ZNF829: variants seen among roughly 807,000 people sequenced by gnomAD.
The protein encoded by ZNF829 is zinc finger protein 829.
In ZNF829, 25 loss-of-function variants were observed where a neutral mutation model predicts 35.2. The ratio of observed to expected loss-of-function variants is 0.71; its 90% CI spans 0.52 to 0.99. The LOEUF is 0.99. Among genes scored for constraint, ZNF829 ranks in the 50% least tolerant of loss-of-function variants. The pLI, the probability that ZNF829 is intolerant of heterozygous loss-of-function variation, is 0.00. For synonymous variants in ZNF829, 136 were observed against 163.2 expected, an observed-to-expected ratio of 0.83 and a Z score of 1.27; for missense variants, 417 against 515.3, an observed-to-expected ratio of 0.81 and a Z score of 1.85.
chr19:36,908,641 A>G (rs1458742366), intron 3 of ZNF829, among the ~76,000 whole-genome samples, 182 bp from the exon 4 acceptor site: 2 of 152,222 alleles, frequency 1.3e-5, no homozygotes, highest in African/African-American at 2.4e-5. Context: ...ATGAAATAGC[A>G]TGCATTCAGC....
chr19:36,908,168 T>A, intron 4 of ZNF829, 144 bp from the exon 5 acceptor site: 1 of 1,198,504 alleles, frequency 8.3e-7, no homozygotes. Flanking sequence ...CCACAGCCCA[T>A]TGGAGCTGCC....
Position 36,890,158 on chromosome 19 carries a change from A to AT in ZNF829, c.*1333dup, listed in dbSNP as rs558584937. 7 of 152,278 alleles carry AT rather than the reference A, an allele frequency of 4.6e-5. No homozygotes were observed. In the South Asian group the frequency reaches 1.4e-3, roughly 32 times the overall value. The allele number at this position is 152,278 out of a possible 1,614,324, so 9.4% of individuals were successfully genotyped here. Reference sequence around the variant, plus strand: ...ATATGATTTTGTTTTTTTAAAATTTATTGATACTTGCTTTGTGGTCCAGTA... The same window carrying AT: ...ATATGATTTTGTTTTTTTAAAATTTATTTGATACTTGCTTTGTGGTCCAGTA... On this transcript the variant is annotated 3_prime_UTR_variant, in exon 6 of 6. Transcript: ENST00000391711.
At chr19:36,902,496 A>G (rs1033873077) in intron 5 of ZNF829, among the ~76,000 whole-genome samples, 3 of 151,964 alleles carry the variant, frequency 2.0e-5, no homozygotes, top group Non-Finnish European at 4.4e-5. Flanking sequence ...TTAGCCGGTC[A>G]TGGTGCCGTG....
chr19:36,915,043 G>A (rs371846091), intron 2 of ZNF829, 21 bp from the exon 3 acceptor site: 11 of 1,614,016 alleles, frequency 6.8e-6, no homozygotes, highest in African/African-American at 5.3e-5. Flanking sequence ...GTAAAATTGG[G>A]AGAGGGAAGA....
intron 3 of ZNF829, among the ~76,000 whole-genome samples, chr19:36,911,985 T>C (rs1345414920): frequency 6.6e-6 from 1 of 152,142 alleles, no homozygotes; most frequent in Non-Finnish European, 1.5e-5. Flanking sequence ...CAAAGGAGTG[T>C]TGAACATCCA....
chr19:36,896,947 C>T (rs2073118893), intron 5 of ZNF829, among the ~76,000 whole-genome samples: 1 of 151,998 alleles, frequency 6.6e-6, no homozygotes, highest in African/African-American at 2.4e-5. Flanking sequence ...AATCAGATAA[C>T]CTAGAGGAAA....
chr19:36,901,351 C>A (rs1470827860), intron 5 of ZNF829, among the ~76,000 whole-genome samples: 2 of 152,038 alleles, frequency 1.3e-5, no homozygotes, highest in South Asian at 2.1e-4. Flanking sequence ...TTGCCTGGGG[C>A]TGGAGGGGGT....
At chr19:36,912,126 G>A (rs1189132407) in intron 3 of ZNF829, among the ~76,000 whole-genome samples, 1 of 151,682 alleles carries the variant, frequency 6.6e-6, no homozygotes, top group African/African-American at 2.4e-5. Flanking sequence ...AGAAGCTCAG[G>A]GCGAGGAAAT....
At chr19:36,907,172 T>C (rs780017443) in intron 5 of ZNF829, 1 of 147,210 alleles carries the variant, frequency 6.8e-6, no homozygotes, top group Non-Finnish European at 1.5e-5. Context: ...CCAATAAGAA[T>C]GAACTAACAC....
chr19:36,892,033 G>C lies in ZNF829; in HGVS notation c.758C>G (p.Ser253Ter), dbSNP rs370786414. The stretch of plus-strand genomic sequence containing the variant: ...AATTCTCTGATGATCATTAAGGTTT[G>C]AGCAATACTTAAAGGCTTTTCCACA... ...KECGKAFKYC[S>*]NLNDHQRIHT... Residue 253 changes from serine (S) to a stop codon, truncating the protein, a stop_gained, in exon 6 of 6, where the codon TCA becomes TGA. Coordinates refer to ENST00000391711, the MANE Select transcript of ZNF829 (RefSeq NM_001037232.4). LOFTEE classifies it high-confidence loss of function. 1.5e-5 allele frequency: 25 copies of C among 1,613,802 alleles called. No individual in the cohort carries two copies. The highest frequency in any genetic ancestry group is 1.7e-5 in the Admixed American group (1 of 59,984).
chr19:36,915,244 G>C lies in ZNF829; in HGVS notation c.-77C>G, dbSNP rs183711472. ...GGTTGGAATCTGACCAGACCTCAGA[G>C]AGGTTTCCTAGAGACAGAGTTCTGG... is the stretch of plus-strand genomic sequence containing the variant. On this transcript the variant is annotated 5_prime_UTR_variant, in exon 2 of 6. Coordinates refer to ENST00000391711, the MANE Select transcript of ZNF829 (RefSeq NM_001037232.4). The C allele has an allele frequency of 3.1e-6, 5 of 1,612,312 alleles. No homozygotes were observed. Among genetic ancestry groups the C allele is most frequent in the African/African-American group, 2.7e-5 (2 of 74,990 alleles).
intron 5 of ZNF829, chr19:36,901,748 C>T: frequency 1.9e-6 from 1 of 522,776 alleles, no homozygotes. Context: ...CAGAATGGCT[C>T]CCACAAAGAA....
intron 5 of ZNF829, chr19:36,901,799 G>A (rs376736113): frequency 3.3e-5 from 21 of 638,212 alleles, no homozygotes; most frequent in Non-Finnish European, 5.5e-5. Flanking sequence ...CATCCACAAG[G>A]TGGTGACCTG....
At position 36,902,690 on chromosome 19, in the gene ZNF829, ATTATGTGT is replaced by A. The variant is rs199666108; in HGVS notation, c.319+5231_319+5238del. 1.8e-4 allele frequency among the ~76,000 whole-genome samples: 28 copies of A among 151,952 alleles called. No individual in the cohort carries two copies. The East Asian group carries it at 5.5e-3, about 30-fold the overall frequency. On this transcript the variant is annotated intron_variant, in intron 5 of 5. Coordinates refer to ENST00000391711, the MANE Select transcript of ZNF829 (RefSeq NM_001037232.4). ...AAAATAAAATAATAAAAACTATACA[ATTATGTGT>A]TAAACCAAATCAAATTATAGTTCTG...
chr19:36,894,572 C>A (rs1043905547), intron 5 of ZNF829, among the ~76,000 whole-genome samples: 1 of 151,920 alleles, frequency 6.6e-6, no homozygotes, highest in Non-Finnish European at 1.5e-5. Flanking sequence ...AATTCATGAT[C>A]TGAATGAGAA....
intron 3 of ZNF829, among the ~76,000 whole-genome samples, chr19:36,909,798 C>T (rs1277006089): frequency 5.0e-5 from 6 of 120,992 alleles, no homozygotes; most frequent in Non-Finnish European, 1.6e-5. Flanking sequence ...CAGAGTGAGA[C>T]TCTGTCTCAA....
At chr19:36,910,888 T>G (rs759376771) in intron 3 of ZNF829, among the ~76,000 whole-genome samples, 1 of 152,012 alleles carries the variant, frequency 6.6e-6, no homozygotes, top group East Asian at 1.9e-4. Context: ...ATGCCTGTAA[T>G]CCCAGCTACT....
At chr19:36,912,304 T>G (rs2073270874) in intron 3 of ZNF829, among the ~76,000 whole-genome samples, 1 of 152,012 alleles carries the variant, frequency 6.6e-6, no homozygotes, top group Non-Finnish European at 1.5e-5. Context: ...CATCAAAGAG[T>G]GATAAAAATT....
intron 5 of ZNF829, among the ~76,000 whole-genome samples, chr19:36,900,947 A>G (rs899427368): frequency 1.9e-4 from 29 of 152,200 alleles, no homozygotes; most frequent in Admixed American, 1.4e-3. Flanking sequence ...GGTGCAGCCA[A>G]TTTGGAAAAG....
Sources: allele counts gnomAD v4.1 joint callset (sites outside exome capture counted in the v4.1 genomes callset), GRCh38; gene constraint gnomAD v4.1.1; transcripts MANE v1.5; gene names NCBI Gene and HGNC (gene_info 2026-07-23, HGNC 2026-07-21).